SPEN: variants seen among roughly 807,000 people sequenced by gnomAD.
The protein encoded by SPEN is spen family transcriptional repressor.
A neutral mutation model predicts 269.9 loss-of-function variants in SPEN; 18 were observed. That is an observed-to-expected ratio of 0.07 (90% CI 0.05 to 0.10). SPEN has a LOEUF of 0.10. Among genes scored for constraint, SPEN ranks in the 10% least tolerant of loss-of-function variants. The pLI, the probability that SPEN is intolerant of heterozygous loss-of-function variation, is 1.00. For missense variants in SPEN, 3,822 were observed against 4,631.2 expected, an observed-to-expected ratio of 0.83 and a Z score of 5.07; for synonymous variants, 1,726 against 1,765.7, an observed-to-expected ratio of 0.98 and a Z score of 0.56.
intron 3 of SPEN, among the ~76,000 whole-genome samples, chr1:15,883,875 T>G (rs2070712132): frequency 1.3e-5 from 2 of 148,910 alleles, no homozygotes; most frequent in South Asian, 4.3e-4. Flanking sequence ...AGTGGTGTGA[T>G]CTCGACTCAC....
intron 4 of SPEN, among the ~76,000 whole-genome samples, chr1:15,910,801 A>C (rs1208859024): frequency 1.3e-5 from 2 of 152,120 alleles, no homozygotes; most frequent in Admixed American, 6.6e-5. Flanking sequence ...TATTTTCAGA[A>C]TTGTACAATA....
rs747592629 is a variant in SPEN at position 15,935,338 on chromosome 1, C to A, written c.9098C>A (p.Pro3033Gln). The A allele has an allele frequency of 6.2e-7, 1 of 1,614,002 alleles. No individual in the cohort carries two copies. The highest frequency in any genetic ancestry group is 1.1e-5 in the South Asian group (1 of 91,088). Residue 3033 changes from proline (P) to glutamine (Q), a missense_variant, in exon 11 of 15, where the codon CCA (proline) becomes CAA (glutamine). Transcript: ENST00000375759. This position sits in a 1 kb window ranked among gnomAD's most constrained non-coding sequence, Gnocchi z 7.7. ...TCTCCTCGACCAAGTGGACCCGGGC[C>A]ATCCTCATTCCCAAGGGCAAGCCAC... Reference protein sequence around the residue: ...AHSPRPSGPGPSSFPRASHPS... With the variant: ...AHSPRPSGPGQSSFPRASHPS...
At chr1:15,902,764 A>G (rs916465116) in intron 3 of SPEN, among the ~76,000 whole-genome samples, 1 of 152,232 alleles carries the variant, frequency 6.6e-6, no homozygotes. Flanking sequence ...CCCAAATTAT[A>G]TATTGATTAT....
At chr1:15,936,949 TG>T (rs1557763573) in intron 11 of SPEN, among the ~76,000 whole-genome samples, 3 of 152,126 alleles carry the variant, frequency 2.0e-5, no homozygotes, top group Non-Finnish European at 1.5e-5. Flanking sequence ...GAGCTCTTGC[TG>T]GGTAGCATCA....
chr1:15,904,964 C>T (rs901753459), intron 3 of SPEN, among the ~76,000 whole-genome samples: 5 of 151,190 alleles, frequency 3.3e-5, no homozygotes, highest in African/African-American at 1.2e-4. Flanking sequence ...CCTTGGCTCA[C>T]TGCGACCTCT....
rs532973644 is a variant in SPEN, at chr1:15,863,057, G to A, written c.84-9759G>A. 2.6e-5 allele frequency among the ~76,000 whole-genome samples: 4 copies of A among 152,108 alleles called. No homozygotes were observed. In the East Asian group the frequency reaches 7.8e-4, roughly 29 times the overall value. ...ATTACAGGTGTGAGCCACCGCTCCC[G>A]GCCGAATCCCAGCACTTTTCCCATT... On this transcript the variant is annotated intron_variant, in intron 1 of 14. Transcript: ENST00000375759.
intron 7 of SPEN, 127 bp from the exon 8 acceptor site, chr1:15,919,277 C>A: frequency 1.4e-6 from 1 of 712,878 alleles, no homozygotes; most frequent in South Asian, 2.1e-5. Flanking sequence ...TAATTTTAAC[C>A]AGATGTTTCC....
Position 15,934,950 on chromosome 1 carries a change from G to A in SPEN, c.8710G>A (p.Ala2904Thr). The A allele has an allele frequency of 2.5e-6, 4 of 1,613,914 alleles. No individual in the cohort carries two copies. The highest frequency in any genetic ancestry group is 3.4e-6 in the Non-Finnish European group (4 of 1,179,988). ...NASPVISSVK[A>T]DRPSLEKPEP... ...CTCTCCTGTGATTTCGTCTGTGAAG[G>A]CCGATAGGCCATCCTTGGAGAAGCC... is the stretch of plus-strand genomic sequence containing the variant. Residue 2904 changes from alanine to threonine, a missense_variant, in exon 11 of 15, where the codon GCC (alanine) becomes ACC (threonine). By Grantham distance (58) the Ala-to-Thr change is moderately conservative. Transcript: ENST00000375759. The surrounding 1 kb of genome is among the most constrained non-coding windows in gnomAD (Gnocchi z 9.2).
chr1:15,928,232 C>T lies in SPEN; in HGVS notation c.1992C>T (p.Tyr664=), dbSNP rs1452281965. ...AGTTTTATTCAGAATGGGAAACTTACCAAGGAGACTACTATGAATCACGAT... is the reference window on the plus strand; with the variant it reads ...AGTTTTATTCAGAATGGGAAACTTATCAAGGAGACTACTATGAATCACGAT... The part of the protein sequence containing the change: ...GREFYSEWET[Y]QGDYYESRYY... Residue 664 remains tyrosine (Y), a synonymous_variant, in exon 11 of 15, where the codon TAC becomes TAT. Coordinates refer to ENST00000375759, the MANE Select transcript of SPEN (RefSeq NM_015001.3). This position sits in a 1 kb window ranked among gnomAD's most constrained non-coding sequence, Gnocchi z 5.7. 2 of 1,614,038 alleles carry T rather than the reference C, an allele frequency of 1.2e-6. No homozygotes were observed.
chr1:15,922,630 CT>C (rs113116731), intron 10 of SPEN, among the ~76,000 whole-genome samples: 4 of 149,542 alleles, frequency 2.7e-5, no homozygotes, highest in East Asian at 2.0e-4. Flanking sequence ...ACTTTATGTA[CT>C]TTTTTTTTTG....
chr1:15,871,244 A>C (rs1321555236), intron 1 of SPEN, among the ~76,000 whole-genome samples: 2 of 152,208 alleles, frequency 1.3e-5, no homozygotes, highest in Non-Finnish European at 2.9e-5. Flanking sequence ...CTGGGATTTC[A>C]GGCTTGAGCC....
At chr1:15,852,235 G>C (rs1236891088) in intron 1 of SPEN, among the ~76,000 whole-genome samples, 1 of 151,932 alleles carries the variant, frequency 6.6e-6, no homozygotes, top group Non-Finnish European at 1.5e-5. Context: ...TTCTTCATTT[G>C]AGACCAGAAG....
chr1:15,886,161 A>AG (rs1463914921), intron 3 of SPEN, among the ~76,000 whole-genome samples: 2 of 152,150 alleles, frequency 1.3e-5, no homozygotes, highest in Non-Finnish European at 2.9e-5. Flanking sequence ...TGTCAGCTGC[A>AG]GGGTCTTGTA....
At chr1:15,896,495 C>T (rs750779710) in intron 3 of SPEN, among the ~76,000 whole-genome samples, 15 of 152,080 alleles carry the variant, frequency 9.9e-5, no homozygotes, top group Non-Finnish European at 2.1e-4. Flanking sequence ...TATGCCCAGC[C>T]TTTACCATCA....
At chr1:15,919,705 A>T (rs962952555) in intron 8 of SPEN, among the ~76,000 whole-genome samples, 188 bp downstream of exon 8, 1 of 152,198 alleles carries the variant, frequency 6.6e-6, no homozygotes, top group Admixed American at 6.5e-5. Context: ...ATTTTGAAGA[A>T]ACTATTTTGA....
At chr1:15,894,540 T>TTTTTTTTTTG (rs2070821264) in intron 3 of SPEN, among the ~76,000 whole-genome samples, 1 of 142,436 alleles carries the variant, frequency 7.0e-6, no homozygotes, top group African/African-American at 2.7e-5. Flanking sequence ...ATGGTTGTTT[T>TTTTTTTTTTG]TTTTTTTTTT....
rs757701084 is a variant in SPEN, at chr1:15,929,113, T to G, written c.2873T>G (p.Leu958Arg). ...GAAGTGGTGGAGAAGGAAGGCAGGCTTAAAGCCAGGAAGCACCTCAAGCCT... is the reference window on the plus strand; with the variant it reads ...GAAGTGGTGGAGAAGGAAGGCAGGCGTAAAGCCAGGAAGCACCTCAAGCCT... ...HVEVVEKEGR[L>R]KARKHLKPEQ... The change falls in exon 11 of 15, where the codon CTT (leucine) becomes CGT (arginine). Residue 958 changes from leucine to arginine, a missense_variant. Physicochemically the swap from Leu to Arg is moderately radical, Grantham distance 102. This residue lies in a region of SPEN where 572 missense variants were observed against 582.6 expected (regional missense o/e 0.98). Transcript: ENST00000375759. This position sits in a 1 kb window ranked among gnomAD's most constrained non-coding sequence, Gnocchi z 5.8. 1 of 1,614,194 alleles carries G rather than the reference T, an allele frequency of 6.2e-7. No homozygotes were observed. Among genetic ancestry groups the G allele is most frequent in the Admixed American group, 1.7e-5 (1 of 60,022 alleles).
intron 3 of SPEN, among the ~76,000 whole-genome samples, chr1:15,892,012 C>CTTTTTTTTTTTTTTTT (rs71003216): frequency 1.1e-4 from 8 of 74,566 alleles, no homozygotes; most frequent in African/African-American, 2.2e-4. Flanking sequence ...TTTCTTTTTA[C>CTTTTTTTTTTTTTTTT]TTTTTTTTTT....
intron 1 of SPEN, among the ~76,000 whole-genome samples, chr1:15,868,786 T>G (rs2070543860): frequency 6.6e-6 from 1 of 152,238 alleles, no homozygotes. Flanking sequence ...GCTATTTAGA[T>G]TTATCATTGA....
Sources: gnomAD v4.1 joint callset for allele counts (sites outside exome capture counted in the v4.1 genomes callset) on GRCh38, gnomAD v4.1.1 for gene constraint, gnomAD v4.1.1 regional missense constraint, Gnocchi (gnomAD v3.1) non-coding constraint, MANE v1.5 for transcripts, NCBI Gene and HGNC (gene_info 2026-07-23, HGNC 2026-07-21) for gene names.